The following MACROD2 variants were observed in gnomAD, a reference collection of about 807,000 sequenced individuals.
MACROD2 encodes the protein ADP-ribose glycohydrolase MACROD2.
In MACROD2, 36 loss-of-function variants were observed where a neutral mutation model predicts 70.4. The ratio of observed to expected loss-of-function variants is 0.51; its 90% CI spans 0.39 to 0.68. The LOEUF is 0.68. MACROD2 is among the 30% of genes least tolerant of loss of function. The probability of loss-of-function intolerance (pLI) is 0.00; values close to 1 mark genes in which losing one functional copy is unlikely to be tolerated. For synonymous variants in MACROD2, 172 were observed against 178.8 expected (o/e 0.96, Z 0.30); for missense variants, 496 against 538.4 (o/e 0.92, Z 0.78).
intron 3 of MACROD2, among the ~76,000 whole-genome samples, chr20:14,402,566 T>C (rs768265051): frequency 6.6e-5 from 10 of 152,022 alleles, no homozygotes; most frequent in Non-Finnish European, 1.5e-4. Flanking sequence ...TCTGTGGGGT[T>C]TTGCTACAAA....
intron 5 of MACROD2, among the ~76,000 whole-genome samples, chr20:15,167,929 C>A (rs1242058192): frequency 6.6e-6 from 1 of 152,152 alleles, no homozygotes; most frequent in Non-Finnish European, 1.5e-5. Context: ...GAAAAATAAG[C>A]ACTGGCAGAA....
chr20:15,610,900 C>T (rs1227660394), intron 8 of MACROD2, among the ~76,000 whole-genome samples: 3 of 151,412 alleles, frequency 2.0e-5, no homozygotes, highest in Non-Finnish European at 2.9e-5. Flanking sequence ...AAGCCAGATG[C>T]TCTTTCTCAT....
intron 8 of MACROD2, among the ~76,000 whole-genome samples, chr20:15,668,550 AGAGT>A (rs1430743191): frequency 1.3e-5 from 2 of 152,230 alleles, no homozygotes; most frequent in Non-Finnish European, 1.5e-5. Context: ...CCTGGGCGAC[AGAGT>A]GAGACTCTGT....
intron 6 of MACROD2, among the ~76,000 whole-genome samples, chr20:15,243,848 T>C (rs2077082279): frequency 1.3e-5 from 2 of 149,564 alleles, no homozygotes; most frequent in Non-Finnish European, 3.0e-5. Context: ...ATGGCGTGAA[T>C]CTGGGAGATG....
At chr20:15,152,643 G>GGC (rs2076279389) in intron 5 of MACROD2, among the ~76,000 whole-genome samples, 1 of 94,092 alleles carries the variant, frequency 1.1e-5, no homozygotes, top group African/African-American at 3.9e-5. Flanking sequence ...AAGGGGTAGA[G>GGC]ACACAGAGAA....
chr20:15,636,071 C>CAAAAAAAA (rs1178846767), intron 8 of MACROD2, among the ~76,000 whole-genome samples: 4,347 of 27,302 alleles, frequency 0.16, 298 homozygotes, highest in African/African-American at 0.24. Flanking sequence ...GGCTCCCTCT[C>CAAAAAAAA]AAAAGAAAAA....
Position 15,229,999 on chromosome 20 carries a change from G to C in MACROD2, c.478G>C (p.Asp160His), listed in dbSNP as rs750028619. ...CCATATTAATGGTTCCCACAAGGAAGACCTTGCAAATTGCTATAAATCATC... is the reference window on the plus strand; with the variant it reads ...CCATATTAATGGTTCCCACAAGGAACACCTTGCAAATTGCTATAAATCATC... ...RGHINGSHKEDLANCYKSSLK... is the reference protein window; with the variant it reads ...RGHINGSHKEHLANCYKSSLK... Residue 160 changes from aspartate to histidine, a missense_variant, in exon 6 of 18, where the codon GAC becomes CAC. Coordinates refer to ENST00000684519, the MANE Select transcript of MACROD2 (RefSeq NM_001351661.2). 1.9e-6 allele frequency: 3 copies of C among 1,613,534 alleles called. No homozygotes were observed. The African/African-American group carries it at 4.0e-5, about 22-fold the overall frequency.
chr20:15,991,253 C>G (rs1213109750), intron 15 of MACROD2, among the ~76,000 whole-genome samples: 2 of 152,192 alleles, frequency 1.3e-5, no homozygotes, highest in African/African-American at 4.8e-5. Context: ...TGCAACTCCT[C>G]TGGCTACGAT....
intron 5 of MACROD2, among the ~76,000 whole-genome samples, chr20:14,862,666 T>A (rs79494144): frequency 0.019 from 493 of 26,644 alleles, 5 homozygotes; most frequent in East Asian, 0.026. Flanking sequence ...AATATATATA[T>A]AAATATATAT....
intron 3 of MACROD2, among the ~76,000 whole-genome samples, chr20:14,464,659 C>G (rs1186894675): frequency 2.6e-5 from 4 of 151,968 alleles, no homozygotes; most frequent in Non-Finnish European, 5.9e-5. Context: ...CCTGCTTTCT[C>G]TTGTGGGCGT....
At chr20:14,750,002 A>G (rs1253626876) in intron 5 of MACROD2, among the ~76,000 whole-genome samples, 1 of 152,144 alleles carries the variant, frequency 6.6e-6, no homozygotes, top group Non-Finnish European at 1.5e-5. Flanking sequence ...TGTTTACAAA[A>G]ATATGAGTAT....
chr20:15,082,513 A>G (rs1201225874), intron 5 of MACROD2, among the ~76,000 whole-genome samples: 2 of 146,334 alleles, frequency 1.4e-5, no homozygotes, highest in Non-Finnish European at 3.0e-5. Context: ...ACAATGTCAC[A>G]CTGCAAGAGG....
intron 3 of MACROD2, among the ~76,000 whole-genome samples, chr20:14,356,343 CT>C (rs1483179737): frequency 1.3e-5 from 2 of 152,024 alleles, no homozygotes; most frequent in African/African-American, 4.8e-5. Flanking sequence ...GTTTAATCAG[CT>C]ATCTATTACC....
chr20:16,026,263 G>A (rs995946335), intron 15 of MACROD2, among the ~76,000 whole-genome samples: 1 of 152,166 alleles, frequency 6.6e-6, no homozygotes, highest in Non-Finnish European at 1.5e-5. Context: ...CATGCTACAG[G>A]GCTCTGCAGA....
intron 5 of MACROD2, among the ~76,000 whole-genome samples, chr20:15,172,544 A>C (rs1485893238): frequency 6.6e-6 from 1 of 151,998 alleles, no homozygotes. Context: ...CTGCCACAAT[A>C]TTTGGCTACT....
At chr20:16,018,700 C>T (rs1332456740) in intron 15 of MACROD2, among the ~76,000 whole-genome samples, 9 of 152,084 alleles carry the variant, frequency 5.9e-5, no homozygotes, top group African/African-American at 1.9e-4. Context: ...ATACTGTATC[C>T]TCAATTATTT....
chr20:14,150,405 A>C (rs2148710763), intron 3 of MACROD2, among the ~76,000 whole-genome samples: 1 of 152,322 alleles, frequency 6.6e-6, no homozygotes, highest in South Asian at 2.1e-4. Flanking sequence ...CTTATCCCGT[A>C]ATCAAAGTAA....
intron 5 of MACROD2, among the ~76,000 whole-genome samples, chr20:15,019,659 A>G (rs889966608): frequency 1.3e-5 from 2 of 152,304 alleles, no homozygotes; most frequent in African/African-American, 4.8e-5. Context: ...TCTAGAACGT[A>G]ATGATACAGT....
At chr20:14,942,248 C>T (rs2074396444) in intron 5 of MACROD2, among the ~76,000 whole-genome samples, 1 of 152,060 alleles carries the variant, frequency 6.6e-6, no homozygotes, top group Non-Finnish European at 1.5e-5. Context: ...TATTAAATGT[C>T]ATATATGAAT....
Sources: gnomAD v4.1 joint callset for allele counts (sites outside exome capture counted in the v4.1 genomes callset) on GRCh38, gnomAD v4.1.1 for gene constraint, MANE v1.5 for transcripts, NCBI Gene and HGNC (gene_info 2026-07-23, HGNC 2026-07-21) for gene names.